The following NRBF2 variants were observed in gnomAD, a reference collection of about 807,000 sequenced individuals.
The protein encoded by NRBF2 is nuclear receptor binding factor 2.
In NRBF2, 12 loss-of-function variants were observed where a neutral mutation model predicts 28.5. The observed-to-expected ratio is 0.42, with a 90% confidence interval of 0.27 to 0.68. The LOEUF (loss-of-function observed/expected upper bound fraction) is 0.68, where lower values mean the gene tolerates loss of function less well. Ranked by LOEUF, NRBF2 falls within the 30% of genes least tolerant of loss-of-function variation. The pLI is 0.24. For synonymous variants in NRBF2, 102 were observed against 116.5 expected (o/e 0.88, Z 0.80); for missense variants, 274 against 333.5 (o/e 0.82, Z 1.39).
At position 63,152,016 on chromosome 10, in the gene NRBF2, T is replaced by TA. The variant is rs557209283; in HGVS notation, c.116-128dup. 5.1e-4 allele frequency: 276 copies of TA among 539,526 alleles called. 1 individual carries two copies. The highest frequency in any genetic ancestry group is 3.4e-3 in the Middle Eastern group (9 of 2,664). The allele number at this position is 539,526 out of a possible 1,614,324, so 33.4% of individuals were successfully genotyped here. A position where few individuals can be genotyped will look rare whatever the true frequency, so the allele number is the denominator to read the frequency against. The stretch of plus-strand genomic sequence containing the variant: ...TTTTGGGGGAAGTTAAGAATTCTTT[T>TA]AAAAAATCCCCAATTGTATCAGAGT... On this transcript the variant is annotated intron_variant, in intron 2 of 3. Coordinates refer to ENST00000277746, the MANE Select transcript of NRBF2 (RefSeq NM_030759.5).
intron 2 of NRBF2, among the ~76,000 whole-genome samples, chr10:63,149,023 T>C (rs1841606385): frequency 6.6e-6 from 1 of 152,242 alleles, no homozygotes; most frequent in Non-Finnish European, 1.5e-5. Context: ...ATGAAAATGA[T>C]TCTATCCTTA....
intron 1 of NRBF2, among the ~76,000 whole-genome samples, chr10:63,142,214 G>A (rs951346301): frequency 6.6e-6 from 1 of 151,848 alleles, no homozygotes; most frequent in Non-Finnish European, 1.5e-5. Context: ...TTCTTAGAGT[G>A]TATCCATAAG....
At chr10:63,146,379 G>C in intron 2 of NRBF2, 86 bp downstream of exon 2, 1 of 868,238 alleles carries the variant, frequency 1.2e-6, no homozygotes, top group Non-Finnish European at 1.8e-6. Flanking sequence ...TCATATGCAA[G>C]ACTGATACTG....
chr10:63,153,493 T>G lies in NRBF2; in HGVS notation c.157-18T>G. On this transcript the variant is annotated intron_variant, in intron 3 of 3. Coordinates refer to ENST00000277746, the MANE Select transcript of NRBF2 (RefSeq NM_030759.5). ...CTTAAAATATTCTTCCAATTTTATC[T>G]TTCCTTCTATGTAATAGGCTCATCT... The G allele has an allele frequency of 6.4e-7, 1 of 1,553,524 alleles. No homozygotes were observed. Among genetic ancestry groups the G allele is most frequent in the Non-Finnish European group, 8.7e-7 (1 of 1,144,650 alleles).
chr10:63,146,134 A>C, intron 1 of NRBF2, 75 bp from the exon 2 acceptor site: 1 of 1,096,596 alleles, frequency 9.1e-7, no homozygotes, highest in South Asian at 1.3e-5. Context: ...TATCTTCTTA[A>C]AAGGTAGTTG....
chr10:63,141,499 A>G (rs1039867457), intron 1 of NRBF2, among the ~76,000 whole-genome samples: 6 of 152,226 alleles, frequency 3.9e-5, no homozygotes, highest in African/African-American at 1.4e-4. Flanking sequence ...TATATTGTCA[A>G]CTTCTTGATG....
intron 1 of NRBF2, among the ~76,000 whole-genome samples, chr10:63,138,743 CAAAA>C (rs894650031): frequency 8.5e-6 from 1 of 117,664 alleles, no homozygotes; most frequent in African/African-American, 3.3e-5. Flanking sequence ...GACTCTGTCT[CAAAA>C]AAAAAAAAAA....
At chr10:63,153,471 A>G (rs1470304396) in intron 3 of NRBF2, 40 bp from the exon 4 acceptor site, 2 of 1,466,836 alleles carry the variant, frequency 1.4e-6, no homozygotes, top group South Asian at 2.5e-5. Flanking sequence ...TAAGATACTT[A>G]AAATATTCTT....
chr10:63,150,470 T>G (rs1358124462), intron 2 of NRBF2: 2 of 489,526 alleles, frequency 4.1e-6, no homozygotes, highest in Admixed American at 1.3e-4. Flanking sequence ...CAGTCTAGTC[T>G]TGAACTCCTG....
chr10:63,152,178 ACAGT>A lies in NRBF2; in HGVS notation c.148_151del (p.Glu51ArgfsTer14), dbSNP rs773516362. The A allele has an allele frequency of 1.2e-6, 2 of 1,613,760 alleles. No individual in the cohort carries two copies. The highest frequency in any genetic ancestry group is 1.7e-6 in the Non-Finnish European group (2 of 1,179,700). ...ATCTTTCTGAAGCCATGAAGCTGAC[ACAGT>A]CAGAGCAGGTGAGACATATTCCCAA... On this transcript the variant is annotated frameshift_variant, in exon 3 of 4. Transcript: ENST00000277746. LOFTEE classifies it high-confidence loss of function.
chr10:63,134,311 A>G (rs1359703825), intron 1 of NRBF2, among the ~76,000 whole-genome samples: 2 of 152,154 alleles, frequency 1.3e-5, no homozygotes, highest in South Asian at 2.1e-4. Flanking sequence ...TGCATCTTTT[A>G]GTTTTCCAGA....
At chr10:63,145,321 G>T (rs896262497) in intron 1 of NRBF2, among the ~76,000 whole-genome samples, 1 of 151,930 alleles carries the variant, frequency 6.6e-6, no homozygotes, top group Non-Finnish European at 1.5e-5. Flanking sequence ...TGATCTGCCC[G>T]CCTCGGCCTC....
intron 1 of NRBF2, among the ~76,000 whole-genome samples, chr10:63,140,717 T>G (rs78467237): frequency 6.6e-6 from 1 of 151,758 alleles, no homozygotes; most frequent in African/African-American, 2.4e-5. Context: ...TTTTTTTTTT[T>G]TGAGATGGAG....
In NRBF2 at chr10:63,154,761, AATG is replaced by A. The variant is rs1841707435; in HGVS notation, c.*546_*548del. The A allele has an allele frequency of 1.8e-5, 1 of 56,056 alleles. No homozygotes were observed. Among genetic ancestry groups the A allele is most frequent in the Admixed American group, 1.5e-4 (1 of 6,816 alleles). The allele number at this position is 56,056 out of a possible 1,614,324, so 3.5% of individuals were successfully genotyped here. On this transcript the variant is annotated 3_prime_UTR_variant, in exon 4 of 4. Coordinates refer to ENST00000277746, the MANE Select transcript of NRBF2 (RefSeq NM_030759.5). The stretch of plus-strand genomic sequence containing the variant: ...ATGTGCCACACTTTGCACTACTCAT[AATG>A]ATAACCTCAAGACTATCAGAAGAAA...
intron 2 of NRBF2, 62 bp from the exon 3 acceptor site, chr10:63,152,088 C>T: frequency 6.5e-6 from 8 of 1,235,110 alleles, no homozygotes; most frequent in African/African-American, 1.5e-5. Context: ...AAAACTCTTC[C>T]TTTTACCTGT....
intron 1 of NRBF2, among the ~76,000 whole-genome samples, chr10:63,142,776 C>CTTT (rs1202067005): frequency 1.9e-4 from 5 of 26,496 alleles, no homozygotes; most frequent in East Asian, 1.2e-3. Context: ...TTCTTTCTTT[C>CTTT]TTTCTTTTTT....
chr10:63,150,948 G>A (rs969455553), intron 2 of NRBF2, among the ~76,000 whole-genome samples: 5 of 152,160 alleles, frequency 3.3e-5, no homozygotes, highest in Non-Finnish European at 4.4e-5. Context: ...GAACTCAGGC[G>A]GTAATGCAAG....
At chr10:63,141,723 C>T (rs544890038) in intron 1 of NRBF2, among the ~76,000 whole-genome samples, 74 of 152,246 alleles carry the variant, frequency 4.9e-4, no homozygotes, top group Middle Eastern at 6.8e-3. Context: ...TTGGGAAAGC[C>T]GGGCTTATGT....
intron 1 of NRBF2, 65 bp downstream of exon 1, chr10:63,133,565 C>G (rs1841322196): frequency 7.9e-7 from 1 of 1,258,590 alleles, no homozygotes; most frequent in Non-Finnish European, 1.2e-6. Flanking sequence ...CGGCCCCGTC[C>G]CCGGCGCGTC....
Sources: allele counts gnomAD v4.1 joint callset (sites outside exome capture counted in the v4.1 genomes callset), GRCh38; gene constraint gnomAD v4.1.1; transcripts MANE v1.5; gene names NCBI Gene and HGNC (gene_info 2026-07-23, HGNC 2026-07-21).